MOCS1: variants seen among roughly 807,000 people sequenced by gnomAD.
MOCS1 encodes molybdenum cofactor biosynthesis protein 1.
A neutral mutation model predicts 57.6 loss-of-function variants in MOCS1; 39 were observed. That is an observed-to-expected ratio of 0.68 (90% CI 0.52 to 0.88). MOCS1 has a LOEUF of 0.88. MOCS1 is among the 40% of genes least tolerant of loss of function. The pLI is 0.00. For synonymous variants in MOCS1, 334 were observed against 335.7 expected (o/e 1.00, Z 0.05); for missense variants, 795 against 831.1 (o/e 0.96, Z 0.53).
chr6:39,932,609 G>A (rs1346685100), intron 1 of MOCS1, among the ~76,000 whole-genome samples: 1 of 152,202 alleles, frequency 6.6e-6, no homozygotes, highest in East Asian at 1.9e-4. Context: ...CAGCCCTCAG[G>A]AACTCCCAGT....
chr6:39,932,956 T>C (rs1445435464), intron 1 of MOCS1, among the ~76,000 whole-genome samples: 2 of 152,214 alleles, frequency 1.3e-5, no homozygotes, highest in Admixed American at 1.3e-4. Flanking sequence ...CCAGAGTCTA[T>C]GTTCTCCTTT....
At chr6:39,927,484 G>A (rs773858388) in intron 1 of MOCS1, 29 bp from the exon 2 acceptor site, 4 of 1,609,784 alleles carry the variant, frequency 2.5e-6, no homozygotes, top group Non-Finnish European at 3.4e-6. Context: ...GAGGAAGCAT[G>A]GGCCCCTGCT....
intron 3 of MOCS1, among the ~76,000 whole-genome samples, chr6:39,920,616 A>G (rs562228518): frequency 2.0e-5 from 3 of 152,316 alleles, no homozygotes; most frequent in African/African-American, 7.2e-5. Context: ...GTCAAAAACA[A>G]TAAGCCCTGA....
chr6:39,913,284 C>A, intron 6 of MOCS1, 33 bp downstream of exon 6: 1 of 1,576,972 alleles, frequency 6.3e-7, no homozygotes, highest in Non-Finnish European at 8.7e-7. Flanking sequence ...CCAACCCCTT[C>A]TTCCCTCCCT....
Position 39,927,348 on chromosome 6 carries a change from T to C in MOCS1, c.231A>G (p.Thr77=). 3 of 1,612,022 alleles carry C rather than the reference T, an allele frequency of 1.9e-6. No individual in the cohort carries two copies. Among genetic ancestry groups the C allele is most frequent in the Non-Finnish European group, 1.7e-6 (2 of 1,179,436 alleles). Residue 77 remains threonine (T), a synonymous_variant, in exon 2 of 11, where the codon ACA becomes ACG. Transcript: ENST00000340692. ...RQHSYLRISL[T]EKCNLRCQYC... ...ACTCACATCTGAGGTTGCACTTCTC[T>C]GTGAGGGAGATCCGCAGGTAGCTGT...
Position 39,904,383 on chromosome 6 carries a change from A to G in MOCS1, c.*1974T>C, listed in dbSNP as rs368071871. On this transcript the variant is annotated 3_prime_UTR_variant, in exon 11 of 11. Transcript: ENST00000340692. ...CCATGGACTCATACTCAACTGAGTA[A>G]GAAGGGGCTGGTGCCCAGTCGGGGT... The G allele has an allele frequency of 2.2e-6, 1 of 456,444 alleles. No individual in the cohort carries two copies. Among genetic ancestry groups the G allele is most frequent in the East Asian group, 6.9e-5 (1 of 14,394 alleles). The allele number at this position is 456,444 out of a possible 1,614,324, so 28.3% of individuals were successfully genotyped here. A position where few individuals can be genotyped will look rare whatever the true frequency, so the allele number is the denominator to read the frequency against.
At chr6:39,929,003 C>A (rs1487147049) in intron 1 of MOCS1, among the ~76,000 whole-genome samples, 2 of 152,194 alleles carry the variant, frequency 1.3e-5, no homozygotes, top group Non-Finnish European at 2.9e-5. Flanking sequence ...GAATCTGTTA[C>A]GTTTTCAATC....
chr6:39,934,262 G>T, intron 1 of MOCS1, 33 bp downstream of exon 1: 3 of 1,518,568 alleles, frequency 2.0e-6, no homozygotes, highest in South Asian at 1.3e-5. Flanking sequence ...CTCCTGCCCC[G>T]GGAAGCTGTG....
At chr6:39,915,197 C>T (rs1449193032) in intron 4 of MOCS1, among the ~76,000 whole-genome samples, 1 of 152,196 alleles carries the variant, frequency 6.6e-6, no homozygotes, top group Non-Finnish European at 1.5e-5. Context: ...TCTTCTGTCC[C>T]CTCCACAGCA....
chr6:39,915,097 A>G (rs1767581042), intron 4 of MOCS1, among the ~76,000 whole-genome samples: 1 of 152,158 alleles, frequency 6.6e-6, no homozygotes, highest in Non-Finnish European at 1.5e-5. Flanking sequence ...TAACTCTTTA[A>G]TCAGTACCAC....
At chr6:39,909,993 T>C (rs752083371) in intron 8 of MOCS1, 38 bp from the exon 9 acceptor site, 12 of 1,609,596 alleles carry the variant, frequency 7.5e-6, no homozygotes, top group Non-Finnish European at 1.0e-5. Context: ...TCCTTACCCC[T>C]GAGCCTTGGC....
chr6:39,905,227 T>C lies in MOCS1; in HGVS notation c.*1130A>G, dbSNP rs1313776315. The C allele has an allele frequency of 4.4e-6, 2 of 454,196 alleles. No homozygotes were observed. Among genetic ancestry groups the C allele is most frequent in the African/African-American group, 2.0e-5 (1 of 49,982 alleles). The allele number at this position is 454,196 out of a possible 1,614,324, so 28.1% of individuals were successfully genotyped here. A position where few individuals can be genotyped will look rare whatever the true frequency, so the allele number is the denominator to read the frequency against. On this transcript the variant is annotated 3_prime_UTR_variant, in exon 11 of 11. Coordinates refer to ENST00000340692, the MANE Select transcript of MOCS1 (RefSeq NM_001358530.2). ...ACCAGGAGCCTCTAATTAATTGCCC[T>C]CTCTGATCTCTCTAATAGCTGGTAA...
rs1258743408 is a variant in MOCS1, at chr6:39,906,512, G to T, written c.1756C>A (p.Pro586Thr). ...AGGGCCTCCATCTCCACCCCGGTGG[G>T]GCCCCGAGCCCGGCAAGATGCCTGG... ...KIQASCRARG[P>T]TGVEMEALTS... Residue 586 changes from proline (P) to threonine (T), a missense_variant, in exon 11 of 11, where the codon CCC becomes ACC. Around this residue, in one of 3 missense-constraint regions of MOCS1, gnomAD observed 374 missense variants for 422.6 expected, o/e 0.89. Coordinates refer to ENST00000340692, the MANE Select transcript of MOCS1 (RefSeq NM_001358530.2). The T allele has an allele frequency of 6.2e-7, 1 of 1,614,004 alleles. No homozygotes were observed. The highest frequency in any genetic ancestry group is 8.5e-7 in the Non-Finnish European group (1 of 1,180,044).
rs1462457902 is a variant in MOCS1, at chr6:39,909,081, A to G, written c.1124T>C (p.Met375Thr). 3.1e-6 allele frequency: 5 copies of G among 1,608,132 alleles called. No individual in the cohort carries two copies. Among genetic ancestry groups the G allele is most frequent in the Non-Finnish European group, 4.2e-6 (5 of 1,177,680 alleles). Residue 375 changes from methionine (M) to threonine (T), a missense_variant, in exon 10 of 11, where the codon ATG becomes ACG. Met to Thr is a moderately conservative substitution (Grantham distance 81, BLOSUM62 -1). Around this residue, in one of 3 missense-constraint regions of MOCS1, gnomAD observed 374 missense variants for 422.6 expected, o/e 0.89. Coordinates refer to ENST00000340692, the MANE Select transcript of MOCS1 (RefSeq NM_001358530.2). ...GATGAGGATCATGGGCCGGTTCTTC[A>G]TCTGGGAAATACTGAACATGCCTGG... is the stretch of plus-strand genomic sequence containing the variant. ...QHAGMFSISQ[M>T]KNRPMILIEL...
rs773157529 is a variant in MOCS1, at chr6:39,906,507, G to A, written c.1761C>T (p.Thr587=). Residue 587 remains threonine, a synonymous_variant, in exon 11 of 11, where the codon ACC becomes ACT. Transcript: ENST00000340692. ...IQASCRARGP[T]GVEMEALTSA... Reference sequence around the variant, plus strand: ...AGGTCAGGGCCTCCATCTCCACCCCGGTGGGGCCCCGAGCCCGGCAAGATG... The same window carrying A: ...AGGTCAGGGCCTCCATCTCCACCCCAGTGGGGCCCCGAGCCCGGCAAGATG... 28 of 1,613,872 alleles carry A rather than the reference G, an allele frequency of 1.7e-5. No homozygotes were observed. The highest frequency in any genetic ancestry group is 1.2e-4 in the South Asian group (11 of 91,092).
At chr6:39,920,201 C>A (rs1420356767) in intron 3 of MOCS1, among the ~76,000 whole-genome samples, 1 of 152,112 alleles carries the variant, frequency 6.6e-6, no homozygotes, top group African/African-American at 2.4e-5. Flanking sequence ...CATTCTTAAA[C>A]ATGAAAATAC....
In MOCS1 at chr6:39,925,705, T is replaced by G. The variant is rs528340821; in HGVS notation, c.391A>C (p.Ile131Leu). Residue 131 changes from isoleucine (I) to leucine (L), a missense_variant, in exon 3 of 11, where the codon ATC becomes CTC. Ile to Leu is a conservative substitution (Grantham distance 5). Coordinates refer to ENST00000340692, the MANE Select transcript of MOCS1 (RefSeq NM_001358530.2). ...KIRLTGGEPLIRPDVVDIVAQ... is the reference protein window; with the variant it reads ...KIRLTGGEPLLRPDVVDIVAQ... ...ACAATGTCCACCACGTCCGGCCGGA[T>G]AAGCGGCTCTCCACCTGTGAGCCGG... is the stretch of plus-strand genomic sequence containing the variant. 4 of 1,612,768 alleles carry G rather than the reference T, an allele frequency of 2.5e-6. No homozygotes were observed. The African/African-American group carries it at 5.3e-5, about 21-fold the overall frequency.
intron 3 of MOCS1, among the ~76,000 whole-genome samples, chr6:39,920,990 G>A (rs71571397): frequency 1.8e-3 from 266 of 151,174 alleles, no homozygotes; most frequent in South Asian, 8.2e-3. Context: ...AAAAAAAAGG[G>A]GGGGGGACAG....
intron 1 of MOCS1, among the ~76,000 whole-genome samples, chr6:39,933,323 A>G (rs1366194991): frequency 6.6e-6 from 1 of 152,124 alleles, no homozygotes; most frequent in East Asian, 1.9e-4. Context: ...CTCTTCCTCA[A>G]TGATGTTCAG....
Sources: allele counts gnomAD v4.1 joint callset (sites outside exome capture counted in the v4.1 genomes callset), GRCh38; gene constraint gnomAD v4.1.1; regional missense constraint gnomAD v4.1.1; transcripts MANE v1.5; gene names NCBI Gene and HGNC (gene_info 2026-07-23, HGNC 2026-07-21).